TRPC6: variants seen among roughly 807,000 people sequenced by gnomAD.
TRPC6 encodes short transient receptor potential channel 6.
TRPC6 carries 55 observed loss-of-function variants against 90.7 expected under a neutral mutation model. The ratio of observed to expected loss-of-function variants is 0.61; its 90% CI spans 0.49 to 0.76. TRPC6 has a LOEUF of 0.76. Ranked by LOEUF, TRPC6 falls within the 30% of genes least tolerant of loss-of-function variation. The pLI, the probability that TRPC6 is intolerant of heterozygous loss-of-function variation, is 0.00. For synonymous variants in TRPC6, 393 were observed against 393.0 expected (o/e 1.00, Z 0.00); for missense variants, 989 against 1,122.7 (o/e 0.88, Z 1.70).
chr11:101,483,237 G>T lies in TRPC6; in HGVS notation c.1294-72C>A. The T allele has an allele frequency of 2.1e-6, 3 of 1,459,564 alleles. No homozygotes were observed. In the South Asian group the frequency reaches 3.5e-5, roughly 17 times the overall value. The allele number at this position is 1,459,564 out of a possible 1,614,324, so 90.4% of individuals were successfully genotyped here. A position where few individuals can be genotyped will look rare whatever the true frequency, so the allele number is the denominator to read the frequency against. On this transcript the variant is annotated intron_variant, in intron 4 of 12. Transcript: ENST00000344327. Reference sequence around the variant, plus strand: ...CTTTGCAAAACACACATACATACATGCAAGAATAAACATCTGCACATTCCA... The same window carrying T: ...CTTTGCAAAACACACATACATACATTCAAGAATAAACATCTGCACATTCCA...
chr11:101,553,308 T>C (rs1409086643), intron 1 of TRPC6, among the ~76,000 whole-genome samples: 2 of 151,558 alleles, frequency 1.3e-5, no homozygotes, highest in Non-Finnish European at 3.0e-5. Flanking sequence ...CCTACTCTGA[T>C]ACCAGCCTTA....
chr11:101,499,234 T>C (rs1450028441), intron 2 of TRPC6, among the ~76,000 whole-genome samples: 1 of 152,092 alleles, frequency 6.6e-6, no homozygotes, highest in Non-Finnish European at 1.5e-5. Context: ...AGATGTATCA[T>C]TCACTAGAAA....
chr11:101,576,643 T>G (rs897959026), intron 1 of TRPC6, among the ~76,000 whole-genome samples: 1 of 152,162 alleles, frequency 6.6e-6, no homozygotes, highest in African/African-American at 2.4e-5. Flanking sequence ...GGTAATTTTA[T>G]CCAACTGGAA....
intron 10 of TRPC6, among the ~76,000 whole-genome samples, chr11:101,458,447 G>T (rs987523974): frequency 6.6e-6 from 1 of 152,174 alleles, no homozygotes; most frequent in East Asian, 1.9e-4. Flanking sequence ...TCAGAAGGTG[G>T]AACAGGGCAG....
At chr11:101,491,258 C>T (rs927216941) in intron 3 of TRPC6, 3 of 322,384 alleles carry the variant, frequency 9.3e-6, no homozygotes, top group South Asian at 2.7e-5. Flanking sequence ...CACGGTGAAA[C>T]CCCGTCTCTA....
At chr11:101,578,784 G>GAAAAAA (rs1862126309) in intron 1 of TRPC6, among the ~76,000 whole-genome samples, 1 of 152,050 alleles carries the variant, frequency 6.6e-6, no homozygotes, top group Non-Finnish European at 1.5e-5. Flanking sequence ...TTATGTAATG[G>GAAAAAA]AAAAGCCATA....
intron 10 of TRPC6, among the ~76,000 whole-genome samples, chr11:101,462,710 T>A (rs1432005341): frequency 1.3e-5 from 2 of 152,186 alleles, no homozygotes; most frequent in African/African-American, 4.8e-5. Flanking sequence ...GATTTTGGGT[T>A]GAGATGATGA....
chr11:101,548,456 TG>T (rs1861370930), intron 1 of TRPC6, among the ~76,000 whole-genome samples: 1 of 89,386 alleles, frequency 1.1e-5, no homozygotes, highest in Admixed American at 1.5e-4. Context: ...TTATATATAC[TG>T]ATATATATAT....
chr11:101,484,662 C>T (rs1859635646), intron 4 of TRPC6, among the ~76,000 whole-genome samples: 1 of 140,774 alleles, frequency 7.1e-6, no homozygotes, highest in Non-Finnish European at 1.5e-5. Flanking sequence ...CCTAGGTATC[C>T]ATGAGGGATT....
At chr11:101,577,328 A>C (rs964753283) in intron 1 of TRPC6, among the ~76,000 whole-genome samples, 50 of 152,286 alleles carry the variant, frequency 3.3e-4, no homozygotes, top group African/African-American at 1.2e-3. Context: ...TGTCTTGTTA[A>C]GAAAATCAGC....
At chr11:101,573,921 C>CGTGTGTGTGTGTGTGTGTGTGTGT (rs58766729) in intron 1 of TRPC6, among the ~76,000 whole-genome samples, 1 of 131,976 alleles carries the variant, frequency 7.6e-6, no homozygotes, top group Admixed American at 7.5e-5. Flanking sequence ...GAAACAAATA[C>CGTGTGTGTGTGTGTGTGTGTGTGT]GTGTGTGTGT....
chr11:101,543,604 G>C (rs1399090105), intron 1 of TRPC6, among the ~76,000 whole-genome samples: 1 of 152,016 alleles, frequency 6.6e-6, no homozygotes, highest in Admixed American at 6.6e-5. Context: ...TCTGATCTTT[G>C]ACAAACCTGA....
Position 101,453,631 on chromosome 11 carries a change from G to T in TRPC6, c.2644+19C>A. 6.2e-7 allele frequency: 1 copy of T among 1,612,820 alleles called. No individual in the cohort carries two copies. Among genetic ancestry groups the T allele is most frequent in the East Asian group, 2.2e-5 (1 of 44,866 alleles). ...CTGACTCACATTCAGGGGCTGATTTGCTTCTGCGTTCAACTCACCTTCGTT... is the reference window on the plus strand; with the variant it reads ...CTGACTCACATTCAGGGGCTGATTTTCTTCTGCGTTCAACTCACCTTCGTT... On this transcript the variant is annotated intron_variant, in intron 12 of 12. Coordinates refer to ENST00000344327, the MANE Select transcript of TRPC6 (RefSeq NM_004621.6).
rs867546636 is a variant in TRPC6, at chr11:101,575,928, G to A, written c.170+7406C>T. Among the ~76,000 whole-genome samples, 3 of 152,234 alleles carry A rather than the reference G, an allele frequency of 2.0e-5. No individual in the cohort carries two copies. The South Asian group carries it at 6.2e-4, about 32-fold the overall frequency. On this transcript the variant is annotated intron_variant, in intron 1 of 12. Transcript: ENST00000344327. ...TGAAAAGGGAGAAGAGAAGGAATGG[G>A]GGTGAGTGCGCTTTTGAAGAGCATA...
intron 5 of TRPC6, among the ~76,000 whole-genome samples, chr11:101,479,318 A>G (rs781391743): frequency 2.6e-5 from 4 of 152,132 alleles, no homozygotes; most frequent in Non-Finnish European, 4.4e-5. Flanking sequence ...ACTGGCCGTT[A>G]AGTGACAAGT....
intron 1 of TRPC6, among the ~76,000 whole-genome samples, chr11:101,553,191 A>G (rs775977413): frequency 6.6e-6 from 1 of 152,132 alleles, no homozygotes; most frequent in Non-Finnish European, 1.5e-5. Context: ...GCTCTGATAA[A>G]TGTAATAATT....
At chr11:101,551,991 A>AG (rs1315629793) in intron 1 of TRPC6, among the ~76,000 whole-genome samples, 2 of 152,064 alleles carry the variant, frequency 1.3e-5, no homozygotes, top group African/African-American at 2.4e-5. Flanking sequence ...AGAATACACT[A>AG]GCTCCTGTTA....
At chr11:101,520,456 G>A (rs1251606607) in intron 1 of TRPC6, among the ~76,000 whole-genome samples, 1 of 152,168 alleles carries the variant, frequency 6.6e-6, no homozygotes, top group Non-Finnish European at 1.5e-5. Flanking sequence ...GAGAAGTACA[G>A]CATTGCTATA....
At chr11:101,485,940 C>T (rs546626078) in intron 4 of TRPC6, among the ~76,000 whole-genome samples, 2 of 152,080 alleles carry the variant, frequency 1.3e-5, no homozygotes, top group Non-Finnish European at 1.5e-5. Flanking sequence ...CCCTACCTGG[C>T]TTCCCTTCTT....
Sources: allele counts gnomAD v4.1 joint callset (sites outside exome capture counted in the v4.1 genomes callset), GRCh38; gene constraint gnomAD v4.1.1; transcripts MANE v1.5; gene names NCBI Gene and HGNC (gene_info 2026-07-23, HGNC 2026-07-21).